The following CTNND2 variants were observed in gnomAD, a reference collection of about 807,000 sequenced individuals.
The protein encoded by CTNND2 is catenin delta-2.
A neutral mutation model predicts 144.4 loss-of-function variants in CTNND2; 22 were observed. The observed-to-expected ratio is 0.15, with a 90% confidence interval of 0.11 to 0.22. CTNND2 has a LOEUF of 0.22. Ranked by LOEUF, CTNND2 falls within the 10% of genes least tolerant of loss-of-function variation. CTNND2 has a pLI of 1.00. For missense variants in CTNND2, 1,353 were observed against 1,618.8 expected (o/e 0.84, Z 2.82); for synonymous variants, 751 against 695.6 (o/e 1.08, Z -1.25).
At chr5:11,816,663 G>GA (rs138217230) in intron 1 of CTNND2, among the ~76,000 whole-genome samples, 1 of 4,298 alleles carries the variant, frequency 2.3e-4, no homozygotes, top group African/African-American at 4.8e-4. Context: ...GAGAGAGAGA[G>GA]GAGGAGAGAG....
intron 5 of CTNND2, among the ~76,000 whole-genome samples, chr5:11,398,886 C>A (rs1708161431): frequency 6.6e-6 from 1 of 152,218 alleles, no homozygotes; most frequent in South Asian, 2.1e-4. Flanking sequence ...GCTATGGAAG[C>A]TGCCAGGCCC....
At chr5:11,358,989 A>G (rs1420057168) in intron 8 of CTNND2, among the ~76,000 whole-genome samples, 5 of 152,198 alleles carry the variant, frequency 3.3e-5, no homozygotes, top group Non-Finnish European at 7.3e-5. Context: ...GACGTTGGCC[A>G]TTTCTACTGG....
chr5:11,691,560 T>C (rs912108456), intron 2 of CTNND2, among the ~76,000 whole-genome samples: 1 of 151,776 alleles, frequency 6.6e-6, no homozygotes, highest in Non-Finnish European at 1.5e-5. Flanking sequence ...AGATACACAG[T>C]TCAGATACAA....
intron 1 of CTNND2, among the ~76,000 whole-genome samples, chr5:11,889,267 C>A (rs1338459579): frequency 6.6e-6 from 1 of 152,162 alleles, no homozygotes; most frequent in East Asian, 1.9e-4. Context: ...CCCAGACACA[C>A]CACAGGTAAC....
At chr5:11,744,991 C>G (rs937232902) in intron 1 of CTNND2, among the ~76,000 whole-genome samples, 1 of 151,938 alleles carries the variant, frequency 6.6e-6, no homozygotes, top group Admixed American at 6.6e-5. Flanking sequence ...CCACCTCGGC[C>G]AAAGTACTGG....
intron 6 of CTNND2, among the ~76,000 whole-genome samples, chr5:11,395,012 A>G (rs1200333641): frequency 6.6e-6 from 1 of 152,214 alleles, no homozygotes; most frequent in African/African-American, 2.4e-5. Flanking sequence ...GCAATTTATT[A>G]TTACAGGATA....
chr5:11,875,183 T>G (rs1294695495), intron 1 of CTNND2, among the ~76,000 whole-genome samples: 1 of 152,210 alleles, frequency 6.6e-6, no homozygotes, highest in East Asian at 1.9e-4. Context: ...TAGAAACCTT[T>G]GTTGTTCAGG....
rs1776028362 is a variant in CTNND2 at position 11,554,294 on chromosome 5, A to G, written c.287+10650T>C. Among the ~76,000 whole-genome samples, 2 of 152,210 alleles carry G rather than the reference A, an allele frequency of 1.3e-5. 1 individual carries two copies. Among genetic ancestry groups the G allele is most frequent in the South Asian group, 4.1e-4 (2 of 4,832 alleles). ...ATCACTGCAGTGTATGGAAAGGAAA[A>G]GAAGCAGAATATCAGTTCAAGAATG... is the stretch of plus-strand genomic sequence containing the variant. On this transcript the variant is annotated intron_variant, in intron 3 of 21. Coordinates refer to ENST00000304623, the MANE Select transcript of CTNND2 (RefSeq NM_001332.4).
At chr5:11,642,008 T>A (rs1024299833) in intron 2 of CTNND2, among the ~76,000 whole-genome samples, 1 of 152,174 alleles carries the variant, frequency 6.6e-6, no homozygotes, top group Non-Finnish European at 1.5e-5. Flanking sequence ...TCATTAAGGT[T>A]TAGGGTAATT....
intron 18 of CTNND2, among the ~76,000 whole-genome samples, chr5:11,011,813 C>A (rs1741120381): frequency 6.6e-6 from 1 of 152,180 alleles, no homozygotes. Context: ...CTAGCACTCT[C>A]TGTTGTAAAC....
chr5:11,499,113 G>A (rs906901194), intron 3 of CTNND2, among the ~76,000 whole-genome samples: 2 of 152,082 alleles, frequency 1.3e-5, no homozygotes, highest in African/African-American at 4.8e-5. Context: ...CAGAACTCCT[G>A]TATTCTACTA....
intron 1 of CTNND2, among the ~76,000 whole-genome samples, chr5:11,806,084 A>G (rs1184859061): frequency 6.6e-6 from 1 of 152,200 alleles, no homozygotes; most frequent in Admixed American, 6.5e-5. Flanking sequence ...AGTCAAGAGG[A>G]GCCTAAGGAC....
intron 2 of CTNND2, among the ~76,000 whole-genome samples, chr5:11,634,509 A>G (rs1423698532): frequency 6.6e-6 from 1 of 152,176 alleles, no homozygotes; most frequent in African/African-American, 2.4e-5. Context: ...CTTGAGGATG[A>G]GGAGGTTACA....
At chr5:11,830,899 C>T (rs554262283) in intron 1 of CTNND2, among the ~76,000 whole-genome samples, 101 of 152,292 alleles carry the variant, frequency 6.6e-4, no homozygotes, top group Non-Finnish European at 1.1e-3. Flanking sequence ...AAAATATATA[C>T]TTGCAAATGA....
intron 3 of CTNND2, among the ~76,000 whole-genome samples, chr5:11,546,718 A>T (rs1291821878): frequency 6.6e-6 from 1 of 152,228 alleles, no homozygotes. Context: ...ATTTCACTGA[A>T]TAACATTTGA....
chr5:11,545,533 G>C (rs1421088775), intron 3 of CTNND2, among the ~76,000 whole-genome samples: 1 of 151,378 alleles, frequency 6.6e-6, no homozygotes, highest in Non-Finnish European at 1.5e-5. Context: ...ATGGTGGCGG[G>C]TGCCTGTAAT....
chr5:11,424,108 G>A (rs529736161), intron 3 of CTNND2, among the ~76,000 whole-genome samples: 1 of 152,182 alleles, frequency 6.6e-6, no homozygotes, highest in East Asian at 1.9e-4. Flanking sequence ...GTGCACAAAT[G>A]TTCATTAGAG....
intron 3 of CTNND2, among the ~76,000 whole-genome samples, chr5:11,427,243 T>C (rs1762857295): frequency 6.6e-6 from 1 of 151,958 alleles, no homozygotes; most frequent in Admixed American, 6.6e-5. Flanking sequence ...CTTAGTATTT[T>C]TTTAGTACCT....
chr5:11,641,571 CGT>C (rs111511982), intron 2 of CTNND2, among the ~76,000 whole-genome samples: 9 of 135,344 alleles, frequency 6.6e-5, no homozygotes, highest in African/African-American at 2.1e-4. Flanking sequence ...CATACATATA[CGT>C]GTGTATGTAT....
Sources: allele counts gnomAD v4.1 joint callset (sites outside exome capture counted in the v4.1 genomes callset), GRCh38; gene constraint gnomAD v4.1.1; transcripts MANE v1.5; gene names NCBI Gene and HGNC (gene_info 2026-07-23, HGNC 2026-07-21).